EDDM13: variants seen among roughly 807,000 people sequenced by gnomAD.
The protein encoded by EDDM13 is epididymal protein 13.
In EDDM13, 24 loss-of-function variants were observed where a neutral mutation model predicts 17.8. That is an observed-to-expected ratio of 1.35 (90% CI 0.98 to 1.90). EDDM13 has a LOEUF of 1.90. Ranked by LOEUF, EDDM13 falls within the 40% of genes most tolerant of loss-of-function variation. EDDM13 has a pLI of 0.00. For synonymous variants in EDDM13, 31 were observed against 37.5 expected (o/e 0.83, Z 0.63); for missense variants, 97 against 100.8 (o/e 0.96, Z 0.16).
At chr19:56,303,702 G>C (rs921005246) in intron 13 of EDDM13, among the ~76,000 whole-genome samples, 6 of 152,138 alleles carry the variant, frequency 3.9e-5, no homozygotes, top group African/African-American at 1.4e-4. Context: ...CCATGTTTGG[G>C]ATAGCAGGAG....
chr19:56,290,520 G>A (rs767782387), intron 8 of EDDM13, among the ~76,000 whole-genome samples: 3 of 152,114 alleles, frequency 2.0e-5, no homozygotes, highest in Non-Finnish European at 4.4e-5. Context: ...AAAGAAGGAG[G>A]ATGTCTGTGA....
intron 9 of EDDM13, among the ~76,000 whole-genome samples, chr19:56,294,216 C>T (rs1025947063): frequency 3.3e-5 from 5 of 152,192 alleles, no homozygotes; most frequent in Non-Finnish European, 7.3e-5. Context: ...CAAACACCTG[C>T]CTAAGGGCCC....
At chr19:56,281,305 A>T (rs1209530711) in intron 2 of EDDM13, among the ~76,000 whole-genome samples, 1 of 152,178 alleles carries the variant, frequency 6.6e-6, no homozygotes, top group African/African-American at 2.4e-5. Context: ...ATCTAAGTGG[A>T]TAAGTGTAAC....
chr19:56,287,694 G>T (rs930517124), intron 6 of EDDM13, among the ~76,000 whole-genome samples: 1 of 152,194 alleles, frequency 6.6e-6, no homozygotes, highest in African/African-American at 2.4e-5. Context: ...GGAAGTCACA[G>T]ACTCATGGGG....
At chr19:56,290,031 T>C (rs1316388905) in intron 8 of EDDM13, among the ~76,000 whole-genome samples, 2 of 152,232 alleles carry the variant, frequency 1.3e-5, no homozygotes, top group African/African-American at 4.8e-5. Flanking sequence ...CCAAGAGCAC[T>C]GGTCAAATGG....
rs543259829 is a variant in EDDM13, at chr19:56,301,984, C to G, written c.312C>G (p.Gly104=). 4.3e-5 allele frequency: 53 copies of G among 1,232,148 alleles called. No individual in the cohort carries two copies. The East Asian group carries it at 1.6e-3, about 37-fold the overall frequency. The allele number at this position is 1,232,148 out of a possible 1,614,324, so 76.3% of individuals were successfully genotyped here. Residue 104 remains glycine (G), a synonymous_variant, in exon 13 of 15, where the codon GGC becomes GGG. Coordinates refer to ENST00000649256, the MANE Select transcript of EDDM13 (RefSeq NM_001354658.2). ...TCTCTCCAGTTAAACCCTTCTCAGG[C>G]ACCACCCCATCCAGGAAACCACTCC... ...GCKEEVKPFS[G]TTPSRKPLPK... is the part of the protein sequence containing the mutation.
chr19:56,294,227 A>G (rs113583855), intron 9 of EDDM13, among the ~76,000 whole-genome samples: 1 of 152,198 alleles, frequency 6.6e-6, no homozygotes, highest in African/African-American at 2.4e-5. Flanking sequence ...CTAAGGGCCC[A>G]CCAGGTGCCA....
intron 12 of EDDM13, among the ~76,000 whole-genome samples, chr19:56,299,487 G>A (rs1272107234): frequency 2.0e-5 from 3 of 151,714 alleles, no homozygotes; most frequent in African/African-American, 7.3e-5. Context: ...AGAGAGAACA[G>A]CTTAATATAA....
chr19:56,297,346 C>T (rs1406533950), intron 11 of EDDM13, among the ~76,000 whole-genome samples, 159 bp from the exon 12 acceptor site: 1 of 151,390 alleles, frequency 6.6e-6, no homozygotes, highest in Non-Finnish European at 1.5e-5. Flanking sequence ...CTTTTCTTTT[C>T]CTTTCTTTTC....
chr19:56,297,137 G>A (rs898372040), intron 11 of EDDM13, among the ~76,000 whole-genome samples: 2 of 152,060 alleles, frequency 1.3e-5, no homozygotes, highest in Admixed American at 6.5e-5. Context: ...AAGAAGAAGG[G>A]CAGGTGAGCC....
chr19:56,289,498 G>A (rs1281238930), intron 8 of EDDM13, among the ~76,000 whole-genome samples: 2 of 152,190 alleles, frequency 1.3e-5, no homozygotes, highest in East Asian at 1.9e-4. Context: ...CTCTTCCCAT[G>A]AGTACTGATC....
chr19:56,284,569 CA>C (rs1263221652), intron 5 of EDDM13, among the ~76,000 whole-genome samples: 1 of 138,992 alleles, frequency 7.2e-6, no homozygotes, highest in Non-Finnish European at 1.5e-5. Context: ...GGCTGGAGTG[CA>C]GTGGCACAAT....
At chr19:56,304,752 C>A (rs938081835) in intron 13 of EDDM13, 41 bp from the exon 14 acceptor site, 1 of 984,368 alleles carries the variant, frequency 1.0e-6, no homozygotes, top group East Asian at 1.1e-4. Flanking sequence ...CTCACCCCAA[C>A]TGTTTCTTTC....
At chr19:56,276,321 C>T (rs11672081) in intron 2 of EDDM13, among the ~76,000 whole-genome samples, 63,444 of 151,408 alleles carry the variant, frequency 0.42, 14,371 homozygotes, top group Non-Finnish European at 0.51. Flanking sequence ...CTCCTTCACT[C>T]CTTTGTCTGG....
chr19:56,308,863 A>G (rs1267353487), intron 14 of EDDM13, among the ~76,000 whole-genome samples: 1 of 152,212 alleles, frequency 6.6e-6, no homozygotes, highest in Admixed American at 6.5e-5. Context: ...TCAACCATAC[A>G]TTAAAGCACC....
intron 13 of EDDM13, among the ~76,000 whole-genome samples, chr19:56,302,366 C>T (rs1045652461): frequency 6.8e-6 from 1 of 147,474 alleles, no homozygotes; most frequent in Non-Finnish European, 1.5e-5. Flanking sequence ...TCTTCCCTCC[C>T]TTACTTCCTC....
chr19:56,288,196 T>C (rs999774215), intron 6 of EDDM13, among the ~76,000 whole-genome samples, 189 bp from the exon 7 acceptor site: 1 of 152,180 alleles, frequency 6.6e-6, no homozygotes, highest in Non-Finnish European at 1.5e-5. Context: ...GAGCTCCAGA[T>C]ACTCTCCAGC....
intron 12 of EDDM13, among the ~76,000 whole-genome samples, chr19:56,300,410 C>T (rs1197518041): frequency 6.6e-6 from 1 of 152,100 alleles, no homozygotes; most frequent in Non-Finnish European, 1.5e-5. Flanking sequence ...TTGGCTTAAT[C>T]CAAGGGAAAA....
intron 7 of EDDM13, among the ~76,000 whole-genome samples, 193 bp from the exon 8 acceptor site, chr19:56,288,681 T>C (rs111732802): frequency 4.7e-4 from 72 of 152,204 alleles, no homozygotes; most frequent in Non-Finnish European, 9.4e-4. Context: ...GACTGAGTGC[T>C]TAAGTCTGTG....
Sources: gnomAD v4.1 joint callset for allele counts (sites outside exome capture counted in the v4.1 genomes callset) on GRCh38, gnomAD v4.1.1 for gene constraint, MANE v1.5 for transcripts, NCBI Gene and HGNC (gene_info 2026-07-23, HGNC 2026-07-21) for gene names.